The following UGT1A10 variants were observed in gnomAD, a reference collection of about 807,000 sequenced individuals.
The protein encoded by UGT1A10 is UDP glucuronosyltransferase family 1 member A10, also known as UDP-glucuronosyltransferase 1A10.
In UGT1A10, 49 loss-of-function variants were observed where a neutral mutation model predicts 45.8. The ratio of observed to expected loss-of-function variants is 1.07; its 90% confidence interval spans 0.85 to 1.36. UGT1A10 has a LOEUF of 1.36. UGT1A10 is among the 40% of genes most tolerant of loss of function. The probability of loss-of-function intolerance (pLI) is 0.00; values close to 1 mark genes in which losing one functional copy is unlikely to be tolerated. For missense variants in UGT1A10, 745 were observed against 668.6 expected, an observed-to-expected ratio of 1.11 and a Z score of -1.26; for synonymous variants, 284 against 249.7, an observed-to-expected ratio of 1.14 and a Z score of -1.29.
chr2:233,707,201 CCTTTCCAT>C (rs2075948613), intron 1 of UGT1A10, among the ~76,000 whole-genome samples: 1 of 152,062 alleles, frequency 6.6e-6, no homozygotes, highest in South Asian at 2.1e-4. Flanking sequence ...CGTTCTATTC[CCTTTCCAT>C]CTTTTCTCTG....
At chr2:233,720,118 G>C (rs1261428456) in intron 1 of UGT1A10, among the ~76,000 whole-genome samples, 1 of 152,216 alleles carries the variant, frequency 6.6e-6, no homozygotes, top group African/African-American at 2.4e-5. Flanking sequence ...GAAAGATACA[G>C]AGGTGACCAC....
intron 1 of UGT1A10, among the ~76,000 whole-genome samples, chr2:233,669,933 C>T (rs1459666579): frequency 1.3e-5 from 2 of 152,142 alleles, no homozygotes; most frequent in African/African-American, 2.4e-5. Flanking sequence ...GATACGCCCA[C>T]CTTGACCTCC....
At chr2:233,743,759 T>C in intron 1 of UGT1A10, 7 of 1,367,366 alleles carry the variant, frequency 5.1e-6, no homozygotes, top group South Asian at 4.5e-5. Flanking sequence ...CAACACCTCG[T>C]AGGCCTCGGC....
chr2:233,756,182 C>T (rs1035761363), intron 1 of UGT1A10: 1 of 152,192 alleles, frequency 6.6e-6, no homozygotes, highest in African/African-American at 2.4e-5. Flanking sequence ...TTGAGAATCG[C>T]TAGTCTAGCA....
chr2:233,644,696 C>G (rs747504406), intron 1 of UGT1A10, among the ~76,000 whole-genome samples: 5 of 152,160 alleles, frequency 3.3e-5, no homozygotes, highest in Non-Finnish European at 5.9e-5. Flanking sequence ...TGTCTCCCAC[C>G]AGGGCTCAGG....
At chr2:233,758,501 A>C (rs1213021180) in intron 1 of UGT1A10, among the ~76,000 whole-genome samples, 2 of 152,232 alleles carry the variant, frequency 1.3e-5, no homozygotes, top group Admixed American at 6.5e-5. Context: ...AGAATTTCTA[A>C]TAAGGACACA....
intron 1 of UGT1A10, among the ~76,000 whole-genome samples, chr2:233,732,497 G>A (rs2078278332): frequency 6.6e-6 from 1 of 152,228 alleles, no homozygotes; most frequent in Non-Finnish European, 1.5e-5. Flanking sequence ...TAAGGCGTAA[G>A]GAAGGGATCC....
chr2:233,719,081 G>A (rs146146688), intron 1 of UGT1A10: 3 of 1,614,150 alleles, frequency 1.9e-6, no homozygotes, highest in Non-Finnish European at 2.5e-6. Context: ...GGACCCAGAA[G>A]GAATTTGATC....
chr2:233,686,427 A>C (rs978923716), intron 1 of UGT1A10, among the ~76,000 whole-genome samples: 2 of 152,154 alleles, frequency 1.3e-5, no homozygotes, highest in African/African-American at 4.8e-5. Flanking sequence ...AAACACACGC[A>C]TGCTTGACAT....
intron 1 of UGT1A10, among the ~76,000 whole-genome samples, chr2:233,662,638 T>A (rs764298533): frequency 1.3e-4 from 20 of 152,322 alleles, no homozygotes; most frequent in Non-Finnish European, 2.2e-4. Context: ...CTTGTTTGAC[T>A]GCATTGAATA....
At chr2:233,673,409 T>G (rs2074258228) in intron 1 of UGT1A10, among the ~76,000 whole-genome samples, 1 of 152,174 alleles carries the variant, frequency 6.6e-6, no homozygotes, top group African/African-American at 2.4e-5. Context: ...ATTTTGCATT[T>G]TTTGTCTTTA....
intron 1 of UGT1A10, chr2:233,755,181 C>G: frequency 8.3e-7 from 1 of 1,205,566 alleles, no homozygotes. Context: ...GTCGGGGTGC[C>G]ACTTGAGCGC....
At position 233,636,546 on chromosome 2, in the gene UGT1A10, C is replaced by A. The variant is rs756127368; in HGVS notation, c.24C>A (p.Ser8Arg). 14 of 1,613,800 alleles carry A rather than the reference C, an allele frequency of 8.7e-6. No individual in the cohort carries two copies. The Admixed American group carries it at 2.2e-4, about 25-fold the overall frequency. MARAGWTSPVPLCVCLLL... is the reference protein window; with the variant it reads MARAGWTRPVPLCVCLLL... Reference sequence around the variant, plus strand: ...TCATGGCTCGCGCAGGGTGGACCAGCCCCGTTCCTTTATGTGTGTGTCTAC... The same window carrying A: ...TCATGGCTCGCGCAGGGTGGACCAGACCCGTTCCTTTATGTGTGTGTCTAC... Residue 8 changes from serine (S) to arginine (R), a missense_variant, in exon 1 of 5, where the codon AGC becomes AGA. By Grantham distance (110) the Ser-to-Arg change is moderately radical (BLOSUM62 -1). Coordinates refer to ENST00000344644, the MANE Select transcript of UGT1A10 (RefSeq NM_019075.4).
chr2:233,719,613 T>C, intron 1 of UGT1A10: 6 of 1,614,096 alleles, frequency 3.7e-6, no homozygotes, highest in Non-Finnish European at 5.1e-6. Flanking sequence ...TGTGATGGAC[T>C]ACCCCAGGCC....
rs1402609722 is a variant in UGT1A10 at position 233,636,819 on chromosome 2, A to G, written c.297A>G (p.Lys99=). 1.9e-6 allele frequency: 3 copies of G among 1,614,240 alleles called. No homozygotes were observed. The Admixed American group carries it at 5.0e-5, about 27-fold the overall frequency. ...TGGTTTTCGCCCATGCTCAATGGAA[A>G]GCACAGGCACAAAGTATATTTTCTC... ...EFMVFAHAQW[K]AQAQSIFSLL... The change falls in exon 1 of 5, where the codon AAA becomes AAG. Residue 99 remains lysine (K), a synonymous_variant. Coordinates refer to ENST00000344644, the MANE Select transcript of UGT1A10 (RefSeq NM_019075.4).
At chr2:233,704,843 A>G (rs1329627923) in intron 1 of UGT1A10, among the ~76,000 whole-genome samples, 2 of 152,096 alleles carry the variant, frequency 1.3e-5, no homozygotes, top group Non-Finnish European at 2.9e-5. Context: ...AAATCAGTTA[A>G]GAGAATAGGG....
At chr2:233,717,672 G>C in intron 1 of UGT1A10, 1 of 421,080 alleles carries the variant, frequency 2.4e-6, no homozygotes, top group Admixed American at 2.5e-5. Flanking sequence ...GCAATCTTGC[G>C]AGCACATGTA....
chr2:233,685,177 C>T (rs1351794584), intron 1 of UGT1A10, among the ~76,000 whole-genome samples: 1 of 152,014 alleles, frequency 6.6e-6, no homozygotes, highest in African/African-American at 2.4e-5. Context: ...GATCATCATT[C>T]AGGAGAACAT....
intron 1 of UGT1A10, chr2:233,747,179 G>T: frequency 3.1e-6 from 5 of 1,601,464 alleles, no homozygotes; most frequent in Non-Finnish European, 4.3e-6. Context: ...GCACAGCGTG[G>T]GGTGGACAGT....
Sources: gnomAD v4.1 joint callset for allele counts (sites outside exome capture counted in the v4.1 genomes callset) on GRCh38, gnomAD v4.1.1 for gene constraint, MANE v1.5 for transcripts, NCBI Gene and HGNC (gene_info 2026-07-23, HGNC 2026-07-21) for gene names.